Variants in MAGI1 observed in about 807,000 individuals in gnomAD.
The protein encoded by MAGI1 is membrane-associated guanylate kinase, WW and PDZ domain-containing protein 1.
Under a neutral mutation model 139.9 loss-of-function variants are expected in MAGI1, and 58 were observed. The ratio of observed to expected loss-of-function variants is 0.41; its 90% CI spans 0.34 to 0.52. The LOEUF is 0.52. Among genes scored for constraint, MAGI1 ranks in the 20% least tolerant of loss-of-function variants. MAGI1 has a pLI of 0.12. For missense variants in MAGI1, 1,874 were observed against 1,901.6 expected (o/e 0.99, Z 0.27); for synonymous variants, 812 against 737.9 (o/e 1.10, Z -1.63).
chr3:65,435,728 G>A (rs905519847), intron 10 of MAGI1, among the ~76,000 whole-genome samples: 1 of 152,166 alleles, frequency 6.6e-6, no homozygotes, highest in Non-Finnish European at 1.5e-5. Context: ...TGAAGTACAG[G>A]ATGGTTAAGA....
chr3:65,985,299 C>T (rs1259950051), intron 1 of MAGI1, among the ~76,000 whole-genome samples: 1 of 152,198 alleles, frequency 6.6e-6, no homozygotes, highest in Non-Finnish European at 1.5e-5. Flanking sequence ...AAGCTGACAC[C>T]TTGTTCATGA....
intron 2 of MAGI1, among the ~76,000 whole-genome samples, chr3:65,596,187 A>G (rs2082186550): frequency 6.6e-6 from 1 of 152,222 alleles, no homozygotes; most frequent in African/African-American, 2.4e-5. Flanking sequence ...GCTTTTCTCA[A>G]CTAAGAAATG....
intron 1 of MAGI1, among the ~76,000 whole-genome samples, chr3:65,975,438 C>T (rs2065219698): frequency 6.6e-6 from 1 of 151,976 alleles, no homozygotes; most frequent in Non-Finnish European, 1.5e-5. Context: ...TCTAGAATGC[C>T]TTATTACCCA....
At chr3:65,820,232 C>G (rs560067112) in intron 1 of MAGI1, among the ~76,000 whole-genome samples, 1 of 152,148 alleles carries the variant, frequency 6.6e-6, no homozygotes, top group African/African-American at 2.4e-5. Flanking sequence ...AGCCTTTCAG[C>G]TTGCACTGCA....
Position 65,409,072 on chromosome 3 carries a change from G to A in MAGI1, c.2168-7602C>T, listed in dbSNP as rs76967205. Among the ~76,000 whole-genome samples, 918 of 152,280 alleles carry A rather than the reference G, an allele frequency of 6.0e-3. 10 individuals carry two copies. Among genetic ancestry groups the A allele is most frequent in the African/African-American group, 0.02 (849 of 41,548 alleles). ...CATGCAAGCCTTTCTTGAAGAGACC[G>A]TATTTGAGCTAAGAGCTGAAGTATG... On this transcript the variant is annotated intron_variant, in intron 12 of 22. Coordinates refer to ENST00000402939, the MANE Select transcript of MAGI1 (RefSeq NM_001033057.2).
At chr3:65,830,142 C>T (rs138268966) in intron 1 of MAGI1, among the ~76,000 whole-genome samples, 4 of 152,220 alleles carry the variant, frequency 2.6e-5, no homozygotes, top group East Asian at 3.9e-4. Flanking sequence ...AAGCCAGTGT[C>T]GTGGATTGAA....
chr3:65,540,731 T>C (rs1469895845), intron 2 of MAGI1, among the ~76,000 whole-genome samples: 3 of 152,196 alleles, frequency 2.0e-5, no homozygotes, highest in African/African-American at 7.2e-5. Flanking sequence ...TTTTAGTTCA[T>C]ACACACTGGG....
chr3:65,791,241 G>A (rs1202177997), intron 1 of MAGI1, among the ~76,000 whole-genome samples: 1 of 152,160 alleles, frequency 6.6e-6, no homozygotes, highest in Non-Finnish European at 1.5e-5. Context: ...TGCGTGGGAA[G>A]AACACACACT....
intron 2 of MAGI1, among the ~76,000 whole-genome samples, chr3:65,572,048 T>C (rs1450650173): frequency 6.6e-6 from 1 of 152,126 alleles, no homozygotes; most frequent in Non-Finnish European, 1.5e-5. Flanking sequence ...AGAAAAAGAT[T>C]ATCCTTTAAC....
intron 1 of MAGI1, among the ~76,000 whole-genome samples, chr3:65,803,999 T>C (rs1290117160): frequency 6.6e-6 from 1 of 152,224 alleles, no homozygotes. Flanking sequence ...ACAATCATGA[T>C]AGATTAACAA....
At chr3:65,530,731 ATATATATATG>A (rs2078641449) in intron 2 of MAGI1, among the ~76,000 whole-genome samples, 1 of 118,928 alleles carries the variant, frequency 8.4e-6, no homozygotes, top group Non-Finnish European at 1.7e-5. Context: ...ATACACACGT[ATATATATATG>A]CACATATATA....
intron 1 of MAGI1, among the ~76,000 whole-genome samples, chr3:66,035,794 A>C (rs535227046): frequency 6.6e-6 from 1 of 152,276 alleles, no homozygotes; most frequent in Non-Finnish European, 1.5e-5. Context: ...ACCTGGAGAC[A>C]CTACAGTTTC....
intron 2 of MAGI1, among the ~76,000 whole-genome samples, chr3:65,542,646 A>G (rs539023793): frequency 6.6e-6 from 1 of 152,158 alleles, no homozygotes; most frequent in Non-Finnish European, 1.5e-5. Flanking sequence ...AAAACACACA[A>G]TGGGGAAAGG....
chr3:65,509,541 G>C (rs1023776818), intron 2 of MAGI1, among the ~76,000 whole-genome samples: 10 of 152,210 alleles, frequency 6.6e-5, no homozygotes, highest in Non-Finnish European at 8.8e-5. Context: ...AGAAAGGGGT[G>C]ACGGACGCAC....
chr3:65,724,453 T>G (rs763329268), intron 1 of MAGI1, among the ~76,000 whole-genome samples: 1 of 152,200 alleles, frequency 6.6e-6, no homozygotes, highest in Non-Finnish European at 1.5e-5. Flanking sequence ...GTAGGAAATT[T>G]TACTGGATAC....
intron 1 of MAGI1, among the ~76,000 whole-genome samples, chr3:65,864,333 A>T (rs1432297926): frequency 2.0e-5 from 3 of 152,222 alleles, no homozygotes; most frequent in Non-Finnish European, 4.4e-5. Context: ...AGTGATCATG[A>T]CCTCATTCAG....
rs192456877 is a variant in MAGI1 at position 65,456,805 on chromosome 3, T to C, written c.960-3465A>G. Among the ~76,000 whole-genome samples, 81 of 152,310 alleles carry C rather than the reference T, an allele frequency of 5.3e-4. 1 individual carries two copies. Among genetic ancestry groups the C allele is most frequent in the Middle Eastern group, 6.8e-3 (2 of 294 alleles). ...TGCCCTCCATTGGAATGCTTTCAAATTGAATTGCTTTTGTAAAAAATCAGT... is the reference window on the plus strand; with the variant it reads ...TGCCCTCCATTGGAATGCTTTCAAACTGAATTGCTTTTGTAAAAAATCAGT... On this transcript the variant is annotated intron_variant, in intron 5 of 22. Transcript: ENST00000402939.
At chr3:65,937,770 A>T (rs889815471) in intron 1 of MAGI1, among the ~76,000 whole-genome samples, 1 of 152,130 alleles carries the variant, frequency 6.6e-6, no homozygotes, top group African/African-American at 2.4e-5. Context: ...CACCAAAAAA[A>T]GGGAAAGAGA....
At chr3:65,593,624 C>A (rs1401027165) in intron 2 of MAGI1, among the ~76,000 whole-genome samples, 1 of 151,936 alleles carries the variant, frequency 6.6e-6, no homozygotes, top group South Asian at 2.1e-4. Context: ...TTTTGCATTG[C>A]TTTGATAATT....
Sources: gnomAD v4.1 joint callset for allele counts (sites outside exome capture counted in the v4.1 genomes callset) on GRCh38, gnomAD v4.1.1 for gene constraint, MANE v1.5 for transcripts, NCBI Gene and HGNC (gene_info 2026-07-23, HGNC 2026-07-21) for gene names.